DIP2C: variants seen among roughly 807,000 people sequenced by gnomAD.
The protein encoded by DIP2C is disco-interacting protein 2 homolog C.
In DIP2C, 33 loss-of-function variants were observed where a neutral mutation model predicts 192.4. The observed-to-expected ratio is 0.17, with a 90% CI of 0.13 to 0.23. The LOEUF is 0.23. Among genes scored for constraint, DIP2C ranks in the 10% least tolerant of loss-of-function variants. The pLI is 1.00. For missense variants in DIP2C, 1,537 were observed against 2,110.1 expected (o/e 0.73, Z 5.32); for synonymous variants, 979 against 864.1 (o/e 1.13, Z -2.33).
intron 29 of DIP2C, among the ~76,000 whole-genome samples, chr10:334,042 C>A (rs565602117): frequency 6.6e-6 from 1 of 152,104 alleles, no homozygotes; most frequent in Admixed American, 6.5e-5. Context: ...CAGTGGCTCA[C>A]GCCTGTAATC....
At chr10:356,600 G>T in intron 23 of DIP2C, 94 bp from the exon 24 acceptor site, 2 of 1,028,246 alleles carry the variant, frequency 1.9e-6, no homozygotes, top group Non-Finnish European at 2.9e-6. Context: ...AACCCATAGA[G>T]GCTGAGTGCT....
At chr10:475,082 A>AC (rs951459101) in intron 2 of DIP2C, among the ~76,000 whole-genome samples, 7 of 151,918 alleles carry the variant, frequency 4.6e-5, no homozygotes, top group African/African-American at 1.5e-4. Context: ...AGGCATGTTC[A>AC]CCCTCTAACC....
chr10:315,758 C>T (rs1331319475), intron 31 of DIP2C, among the ~76,000 whole-genome samples: 2 of 152,192 alleles, frequency 1.3e-5, no homozygotes, highest in Non-Finnish European at 2.9e-5. Flanking sequence ...AAATTGTTCT[C>T]TTGCCCCATT....
rs956467992 is a variant in DIP2C, at chr10:592,895, G to T, written c.85+96599C>A. Among the ~76,000 whole-genome samples the T allele has an allele frequency of 2.0e-5, 3 of 151,596 alleles. No individual in the cohort carries two copies. In the South Asian group the frequency reaches 6.2e-4, roughly 31 times the overall value. ...ACACTGCAAGGCTCAAACCAACTGGGTATTTGGAAACTTCTGTGCAAAATG... is the reference window on the plus strand; with the variant it reads ...ACACTGCAAGGCTCAAACCAACTGGTTATTTGGAAACTTCTGTGCAAAATG... On this transcript the variant is annotated intron_variant, in intron 1 of 36. Transcript: ENST00000280886.
rs1857087023 is a variant in DIP2C at position 666,335 on chromosome 10, G to A, written c.85+23159C>T. The A allele has an allele frequency of 6.6e-6, 1 of 152,252 alleles. No homozygotes were observed. Among genetic ancestry groups the A allele is most frequent in the Non-Finnish European group, 1.5e-5 (1 of 68,088 alleles). 9.4% of individuals were successfully genotyped at this position (152,252 alleles called of 1,614,324 possible). A position where few individuals can be genotyped will look rare whatever the true frequency, so the allele number is the denominator to read the frequency against. ...CTGGTCTGCGTTCAGAGCTGGTGAG[G>A]AGCAGGGAGAAGAATCCAGAGCGTC... On this transcript the variant is annotated intron_variant, in intron 1 of 36. Transcript: ENST00000280886. This position sits in a 1 kb window ranked among gnomAD's most constrained non-coding sequence, Gnocchi z 4.1.
intron 36 of DIP2C, among the ~76,000 whole-genome samples, 191 bp from the exon 37 acceptor site, chr10:277,768 G>A (rs187284261): frequency 6.6e-6 from 1 of 152,100 alleles, no homozygotes; most frequent in East Asian, 1.9e-4. Flanking sequence ...GACAGCACCT[G>A]TCGGTGTTTC....
At chr10:600,023 A>C (rs1199266159) in intron 1 of DIP2C, among the ~76,000 whole-genome samples, 9 of 152,194 alleles carry the variant, frequency 5.9e-5, no homozygotes, top group Admixed American at 1.3e-4. Flanking sequence ...GCGGGCATCC[A>C]GCGGCAAGGA....
intron 6 of DIP2C, among the ~76,000 whole-genome samples, chr10:417,011 C>T (rs1200032510): frequency 6.6e-6 from 1 of 152,200 alleles, no homozygotes; most frequent in Non-Finnish European, 1.5e-5. Flanking sequence ...TCTCAAAATG[C>T]TCTATAGCAC....
chr10:422,493 C>T (rs556585966), intron 5 of DIP2C, among the ~76,000 whole-genome samples: 1 of 152,276 alleles, frequency 6.6e-6, no homozygotes, highest in East Asian at 1.9e-4. Flanking sequence ...ATGACTCCCA[C>T]GGTCAGGACG....
intron 10 of DIP2C, among the ~76,000 whole-genome samples, chr10:396,140 A>G (rs1324048449): frequency 1.3e-5 from 2 of 152,168 alleles, no homozygotes; most frequent in African/African-American, 2.4e-5. Context: ...AAGATTTCTG[A>G]TTTGTTCAAA....
At chr10:626,562 T>C (rs1275426940) in intron 1 of DIP2C, among the ~76,000 whole-genome samples, 1 of 151,904 alleles carries the variant, frequency 6.6e-6, no homozygotes, top group Non-Finnish European at 1.5e-5. Context: ...TCCCTCATTT[T>C]CCTGTTCACC....
chr10:555,187 ATTAT>A, intron 1 of DIP2C, among the ~76,000 whole-genome samples: 1 of 132,092 alleles, frequency 7.6e-6, no homozygotes, highest in Non-Finnish European at 1.5e-5. Flanking sequence ...TTTCTTCAGT[ATTAT>A]TTTTTTTTTT....
At chr10:486,223 G>C (rs544540408) in intron 2 of DIP2C, among the ~76,000 whole-genome samples, 2 of 152,298 alleles carry the variant, frequency 1.3e-5, no homozygotes, top group East Asian at 3.9e-4. Flanking sequence ...ACCCAATACC[G>C]ATCTCTACTT....
intron 1 of DIP2C, chr10:650,870 A>G: frequency 1.4e-6 from 1 of 717,408 alleles, no homozygotes; most frequent in Admixed American, 2.0e-5. Context: ...GGCATAACAC[A>G]AACTCCCCCT....
Position 281,193 on chromosome 10 carries a change from G to A in DIP2C, c.4418+7C>T, listed in dbSNP as rs757667583. On this transcript the variant is annotated splice_region_variant and intron_variant, in intron 36 of 36. Coordinates refer to ENST00000280886, the MANE Select transcript of DIP2C (RefSeq NM_014974.3). ...ATTTGGGTACAAGCTGCAAGCTCACGACTTACCATTCCGTAACGCTTTTAT... is the reference window on the plus strand; with the variant it reads ...ATTTGGGTACAAGCTGCAAGCTCACAACTTACCATTCCGTAACGCTTTTAT... The A allele has an allele frequency of 2.2e-5, 35 of 1,613,596 alleles. No homozygotes were observed. In the East Asian group the frequency reaches 2.2e-4, roughly 10 times the overall value.
At chr10:390,625 G>T in intron 11 of DIP2C, 115 bp downstream of exon 11, 3 of 1,503,018 alleles carry the variant, frequency 2.0e-6, no homozygotes, top group South Asian at 1.3e-5. Flanking sequence ...TCGTGGGTCT[G>T]TGACTGACGT....
chr10:365,940 G>A (rs1472361425), intron 19 of DIP2C, among the ~76,000 whole-genome samples: 1 of 152,226 alleles, frequency 6.6e-6, no homozygotes, highest in Admixed American at 6.5e-5. Context: ...CTGTAAAGGG[G>A]CTCCACTTGG....
At chr10:311,590 C>G (rs561172883) in intron 31 of DIP2C, 124 of 1,231,470 alleles carry the variant, frequency 1.0e-4, no homozygotes, top group Middle Eastern at 6.2e-4. Flanking sequence ...AGGGTGAGGA[C>G]GAGAAGAGAG....
At chr10:619,454 G>A (rs192653460) in intron 1 of DIP2C, among the ~76,000 whole-genome samples, 104 of 147,908 alleles carry the variant, frequency 7.0e-4, no homozygotes, top group African/African-American at 2.3e-3. Context: ...CAGAGCCCAC[G>A]GCAGCCCTGG....
Sources: allele counts gnomAD v4.1 joint callset (sites outside exome capture counted in the v4.1 genomes callset), GRCh38; gene constraint gnomAD v4.1.1; non-coding constraint Gnocchi (gnomAD v3.1); transcripts MANE v1.5; gene names NCBI Gene and HGNC (gene_info 2026-07-23, HGNC 2026-07-21).